DZIP3: variants seen among roughly 807,000 people sequenced by gnomAD.
DZIP3 encodes E3 ubiquitin-protein ligase DZIP3.
A neutral mutation model predicts 162.0 loss-of-function variants in DZIP3; 118 were observed. The observed-to-expected ratio is 0.73, with a 90% CI of 0.63 to 0.85. The LOEUF is 0.85. Among genes scored for constraint, DZIP3 ranks in the 40% least tolerant of loss-of-function variants. The pLI, the probability that DZIP3 is intolerant of heterozygous loss-of-function variation, is 0.00. For missense variants in DZIP3, 1,331 were observed against 1,407.0 expected (o/e 0.95, Z 0.86); for synonymous variants, 438 against 458.6 (o/e 0.96, Z 0.57).
chr3:108,661,751 T>C (rs1389156035), intron 19 of DZIP3, 126 bp from the exon 20 acceptor site: 1 of 652,118 alleles, frequency 1.5e-6, no homozygotes, highest in Non-Finnish European at 2.6e-6. Context: ...TGGGTTTATC[T>C]AAATTGAGTG....
At chr3:108,656,350 C>G (rs551489029) in intron 19 of DZIP3, among the ~76,000 whole-genome samples, 4 of 152,318 alleles carry the variant, frequency 2.6e-5, no homozygotes. Flanking sequence ...ATCCACTGTT[C>G]TGCAGCCTCC....
At chr3:108,630,948 G>T (rs974685699) in intron 8 of DZIP3, among the ~76,000 whole-genome samples, 1 of 143,466 alleles carries the variant, frequency 7.0e-6, no homozygotes. Flanking sequence ...ATATCTCCAG[G>T]TTTTTCTGTT....
chr3:108,675,284 T>C lies in DZIP3; in HGVS notation c.2694-502T>C, dbSNP rs117586667. 2.2e-4 allele frequency among the ~76,000 whole-genome samples: 33 copies of C among 152,136 alleles called. 2 individuals carry two copies. The East Asian group carries it at 6.2e-3, about 29-fold the overall frequency. ...TACTATATAAAGGCAGCAACCTCAT[T>C]CGTACTCAAATAGAAGATATTTCTA... On this transcript the variant is annotated intron_variant, in intron 24 of 32. Coordinates refer to ENST00000361582, the MANE Select transcript of DZIP3 (RefSeq NM_014648.4).
At chr3:108,606,380 A>G (rs1940374850) in intron 2 of DZIP3, among the ~76,000 whole-genome samples, 1 of 152,204 alleles carries the variant, frequency 6.6e-6, no homozygotes, top group African/African-American at 2.4e-5. Flanking sequence ...AATTTATTTT[A>G]CAAAAGCATT....
chr3:108,665,980 TTAAAAA>T (rs1281326081), intron 21 of DZIP3, among the ~76,000 whole-genome samples: 7 of 151,990 alleles, frequency 4.6e-5, no homozygotes, highest in African/African-American at 1.4e-4. Context: ...TCTCTAAACT[TTAAAAA>T]TATATATATA....
intron 1 of DZIP3, among the ~76,000 whole-genome samples, chr3:108,600,094 G>T (rs1939922497): frequency 6.6e-6 from 1 of 152,158 alleles, no homozygotes; most frequent in African/African-American, 2.4e-5. Flanking sequence ...TTTCTTCAGT[G>T]TTTTTAAGGG....
intron 1 of DZIP3, among the ~76,000 whole-genome samples, chr3:108,602,470 T>C (rs1013772963): frequency 3.9e-5 from 6 of 152,172 alleles, no homozygotes; most frequent in East Asian, 1.9e-4. Context: ...TAAATTGACA[T>C]TGAACTTTAG....
intron 8 of DZIP3, among the ~76,000 whole-genome samples, chr3:108,631,045 A>ACTCT (rs1273420432): frequency 1.7e-3 from 138 of 81,762 alleles, no homozygotes; most frequent in Non-Finnish European, 2.4e-3. Context: ...ACACACACAC[A>ACTCT]CACACACACA....
intron 18 of DZIP3, among the ~76,000 whole-genome samples, chr3:108,653,503 GTGTGTA>G (rs1378372844): frequency 1.4e-3 from 29 of 20,074 alleles, no homozygotes; most frequent in African/African-American, 2.7e-3. Flanking sequence ...CATTGTGTGT[GTGTGTA>G]TATATATATA....
Position 108,629,048 on chromosome 3 carries a change from A to G in DZIP3, c.582-14A>G. 6.6e-7 allele frequency: 1 copy of G among 1,526,628 alleles called. No individual in the cohort carries two copies. Among genetic ancestry groups the G allele is most frequent in the Non-Finnish European group, 8.9e-7 (1 of 1,124,520 alleles). The allele number at this position is 1,526,628 out of a possible 1,614,324, so 94.6% of individuals were successfully genotyped here. ...GTCCCGTTCAAACTAACCTTATTTT[A>G]AAATGCCTTTCAGATATAATGGAGG... On this transcript the variant is annotated splice_polypyrimidine_tract_variant and intron_variant, in intron 7 of 32. Transcript: ENST00000361582.
chr3:108,687,924 A>C (rs755092966), intron 28 of DZIP3, 52 bp from the exon 29 acceptor site: 3 of 1,610,486 alleles, frequency 1.9e-6, no homozygotes, highest in Non-Finnish European at 2.5e-6. Context: ...TACATCCTCA[A>C]AGGTACTAAG....
At chr3:108,651,722 AAAT>A (rs1424966784) in intron 18 of DZIP3, among the ~76,000 whole-genome samples, 3 of 151,732 alleles carry the variant, frequency 2.0e-5, no homozygotes, top group African/African-American at 7.2e-5. Flanking sequence ...TTTAATGGCA[AAAT>A]AATCACTGTA....
rs373527489 is a variant in DZIP3, at chr3:108,669,629, T to G, written c.2424-52T>G. On this transcript the variant is annotated intron_variant, in intron 21 of 32. Coordinates refer to ENST00000361582, the MANE Select transcript of DZIP3 (RefSeq NM_014648.4). ...TGTAGTTAGAGCTCTTCTGACTGTG[T>G]TAATGAGAAATAATTTCTAACATCT... 51 of 1,542,750 alleles carry G rather than the reference T, an allele frequency of 3.3e-5. No individual in the cohort carries two copies. The African/African-American group carries it at 5.5e-4, about 17-fold the overall frequency.
intron 26 of DZIP3, among the ~76,000 whole-genome samples, chr3:108,680,658 A>G (rs1944272850): frequency 1.3e-5 from 2 of 152,106 alleles, no homozygotes; most frequent in Non-Finnish European, 2.9e-5. Context: ...GGAAAAATAC[A>G]TCATATTCAT....
intron 27 of DZIP3, 53 bp from the exon 28 acceptor site, chr3:108,686,392 T>A: frequency 6.9e-7 from 1 of 1,453,764 alleles, no homozygotes; most frequent in South Asian, 1.6e-5. Context: ...GGTATAGGAA[T>A]GTCACTTCTT....
At chr3:108,673,287 G>A (rs1559776670) in intron 23 of DZIP3, among the ~76,000 whole-genome samples, 1 of 151,844 alleles carries the variant, frequency 6.6e-6, no homozygotes, top group Non-Finnish European at 1.5e-5. Context: ...AGAGTACTTG[G>A]GATCCTGGAA....
intron 1 of DZIP3, among the ~76,000 whole-genome samples, chr3:108,604,398 G>A (rs1182417689): frequency 6.6e-6 from 1 of 152,146 alleles, no homozygotes; most frequent in Admixed American, 6.5e-5. Flanking sequence ...GCTTAGGGTA[G>A]GATCAGAAAA....
At chr3:108,683,500 G>A (rs1374991880) in intron 26 of DZIP3, among the ~76,000 whole-genome samples, 1 of 152,126 alleles carries the variant, frequency 6.6e-6, no homozygotes, top group East Asian at 1.9e-4. Context: ...AATGCCAGTA[G>A]TAGGGCTGGC....
intron 12 of DZIP3, among the ~76,000 whole-genome samples, chr3:108,641,248 T>C (rs944063573): frequency 6.6e-6 from 1 of 152,182 alleles, no homozygotes; most frequent in Admixed American, 6.5e-5. Flanking sequence ...TTCTACTTAC[T>C]TTATAAATTA....
Sources: gnomAD v4.1 joint callset for allele counts (sites outside exome capture counted in the v4.1 genomes callset) on GRCh38, gnomAD v4.1.1 for gene constraint, MANE v1.5 for transcripts, NCBI Gene and HGNC (gene_info 2026-07-23, HGNC 2026-07-21) for gene names.